The following CHSY3 variants were observed in gnomAD, a reference collection of about 807,000 sequenced individuals.
CHSY3 encodes the protein N-acetylgalactosaminyl-proteoglycan 3-beta-glucuronosyltransferase 3.
A neutral mutation model predicts 67.2 loss-of-function variants in CHSY3; 35 were observed. That is an observed-to-expected ratio of 0.52 (90% CI 0.40 to 0.69). The LOEUF is 0.69. Among genes scored for constraint, CHSY3 ranks in the 30% least tolerant of loss-of-function variants. The pLI is 0.00. For synonymous variants in CHSY3, 474 were observed against 434.7 expected, an observed-to-expected ratio of 1.09 and a Z score of -1.12; for missense variants, 1,069 against 1,138.5, an observed-to-expected ratio of 0.94 and a Z score of 0.88.
At chr5:129,942,226 A>G (rs1173353903) in intron 2 of CHSY3, among the ~76,000 whole-genome samples, 5 of 152,170 alleles carry the variant, frequency 3.3e-5, no homozygotes, top group Admixed American at 3.3e-4. Flanking sequence ...GTATCAAAAA[A>G]CTATAACTAG....
At chr5:130,035,886 G>GTTTTTTTTTTTTTTTTTTTT (rs1180462327) in intron 2 of CHSY3, among the ~76,000 whole-genome samples, 1 of 65,532 alleles carries the variant, frequency 1.5e-5, no homozygotes, top group African/African-American at 6.0e-5. Flanking sequence ...TCATTTGGTT[G>GTTTTTTTTTTTTTTTTTTTT]TTTTTTTTTT....
intron 2 of CHSY3, among the ~76,000 whole-genome samples, chr5:130,113,366 C>T (rs1767648382): frequency 6.6e-6 from 1 of 152,114 alleles, no homozygotes; most frequent in Admixed American, 6.6e-5. Context: ...ATCTCAATCT[C>T]TGTAGGAATG....
intron 2 of CHSY3, among the ~76,000 whole-genome samples, chr5:130,182,375 A>G (rs1770274544): frequency 6.6e-6 from 1 of 151,804 alleles, no homozygotes; most frequent in Non-Finnish European, 1.5e-5. Flanking sequence ...GTATAAGTTT[A>G]TTATATGTTC....
chr5:130,004,820 A>G (rs1381340544), intron 2 of CHSY3, among the ~76,000 whole-genome samples: 1 of 152,168 alleles, frequency 6.6e-6, no homozygotes, highest in Non-Finnish European at 1.5e-5. Context: ...TTAAAATTAT[A>G]TTTATGCATA....
chr5:130,100,566 T>C (rs1767208245), intron 2 of CHSY3, among the ~76,000 whole-genome samples: 1 of 152,130 alleles, frequency 6.6e-6, no homozygotes, highest in African/African-American at 2.4e-5. Flanking sequence ...AGATTCCACC[T>C]AAAGTTGAAA....
intron 2 of CHSY3, among the ~76,000 whole-genome samples, chr5:129,969,305 T>C (rs1762567079): frequency 6.6e-6 from 1 of 151,844 alleles, no homozygotes; most frequent in African/African-American, 2.4e-5. Flanking sequence ...CATATTCCAA[T>C]ATGTTTAAAG....
chr5:129,935,645 T>C (rs1477073683), intron 2 of CHSY3, among the ~76,000 whole-genome samples: 1 of 152,204 alleles, frequency 6.6e-6, no homozygotes, highest in Non-Finnish European at 1.5e-5. Context: ...ATTGTTCCAC[T>C]TAGAAATGAG....
At chr5:129,970,104 T>C (rs575726269) in intron 2 of CHSY3, among the ~76,000 whole-genome samples, 1 of 151,998 alleles carries the variant, frequency 6.6e-6, no homozygotes, top group African/African-American at 2.4e-5. Flanking sequence ...CAGATCAGCC[T>C]TGCCTTACTA....
intron 2 of CHSY3, among the ~76,000 whole-genome samples, chr5:130,039,166 T>C (rs1764939354): frequency 6.6e-6 from 1 of 152,116 alleles, no homozygotes; most frequent in African/African-American, 2.4e-5. Context: ...TGTAGGACTT[T>C]AGAGTCATTT....
chr5:130,051,826 G>C (rs1765366473), intron 2 of CHSY3, among the ~76,000 whole-genome samples: 1 of 151,894 alleles, frequency 6.6e-6, no homozygotes, highest in South Asian at 2.1e-4. Context: ...CCAGACGTTA[G>C]AATTTGAGTT....
At chr5:129,993,359 T>C (rs1763427101) in intron 2 of CHSY3, among the ~76,000 whole-genome samples, 1 of 152,130 alleles carries the variant, frequency 6.6e-6, no homozygotes. Flanking sequence ...TCTTTGTAGG[T>C]GTCTAATAAC....
intron 2 of CHSY3, among the ~76,000 whole-genome samples, chr5:130,090,292 A>G (rs1374047387): frequency 6.6e-6 from 1 of 152,158 alleles, no homozygotes; most frequent in African/African-American, 2.4e-5. Context: ...ATCTAATTGC[A>G]GATTATTTCC....
At chr5:130,160,907 T>TA (rs1769518372) in intron 2 of CHSY3, among the ~76,000 whole-genome samples, 1 of 133,110 alleles carries the variant, frequency 7.5e-6, no homozygotes, top group Non-Finnish European at 1.5e-5. Context: ...TTTTTTTTTT[T>TA]TATTTTTTTT....
chr5:130,104,624 G>A (rs1010859647), intron 2 of CHSY3, among the ~76,000 whole-genome samples: 2 of 151,738 alleles, frequency 1.3e-5, no homozygotes, highest in African/African-American at 4.8e-5. Context: ...GCAAAGCCAT[G>A]AGGATATTTC....
At chr5:129,982,318 T>C (rs1763043944) in intron 2 of CHSY3, among the ~76,000 whole-genome samples, 1 of 152,034 alleles carries the variant, frequency 6.6e-6, no homozygotes, top group Non-Finnish European at 1.5e-5. Context: ...AACCCATCAA[T>C]GAACTCTACT....
intron 2 of CHSY3, among the ~76,000 whole-genome samples, chr5:129,918,525 A>T (rs995026181): frequency 5.5e-4 from 83 of 152,226 alleles, no homozygotes; most frequent in African/African-American, 1.9e-3. Flanking sequence ...ATGATGGCGG[A>T]AAGTACAGGA....
intron 2 of CHSY3, among the ~76,000 whole-genome samples, chr5:130,108,637 G>A (rs1767488653): frequency 6.6e-6 from 1 of 151,572 alleles, no homozygotes; most frequent in Admixed American, 6.6e-5. Context: ...TTATTGGAAG[G>A]TTTTATCAAA....
chr5:129,992,803 C>A (rs1034885395), intron 2 of CHSY3, among the ~76,000 whole-genome samples: 13 of 152,176 alleles, frequency 8.5e-5, no homozygotes, highest in South Asian at 2.1e-4. Context: ...CTAATAGTAA[C>A]ATGCTGGTCT....
At chr5:130,085,281 A>G (rs1431515033) in intron 2 of CHSY3, among the ~76,000 whole-genome samples, 1 of 152,076 alleles carries the variant, frequency 6.6e-6, no homozygotes, top group Non-Finnish European at 1.5e-5. Flanking sequence ...TAATACACAT[A>G]TTTGATCAAA....
Sources: allele counts gnomAD v4.1 joint callset (sites outside exome capture counted in the v4.1 genomes callset), GRCh38; gene constraint gnomAD v4.1.1; transcripts MANE v1.5; gene names NCBI Gene and HGNC (gene_info 2026-07-23, HGNC 2026-07-21).